The following ALPK2 variants were observed in gnomAD, a reference collection of about 807,000 sequenced individuals.
ALPK2 encodes alpha-protein kinase 2.
A neutral mutation model predicts 163.1 loss-of-function variants in ALPK2; 127 were observed. The ratio of observed to expected loss-of-function variants is 0.78; its 90% CI spans 0.67 to 0.90. The LOEUF (loss-of-function observed/expected upper bound fraction) is 0.90, where lower values mean the gene tolerates loss of function less well. Ranked by LOEUF, ALPK2 falls within the 40% of genes least tolerant of loss-of-function variation. ALPK2 has a pLI of 0.00. For synonymous variants in ALPK2, 953 were observed against 959.1 expected (o/e 0.99, Z 0.12); for missense variants, 2,360 against 2,589.6 (o/e 0.91, Z 1.92).
At chr18:58,510,286 A>G (rs1294293158) in intron 10 of ALPK2, among the ~76,000 whole-genome samples, 2 of 152,304 alleles carry the variant, frequency 1.3e-5, no homozygotes, top group Admixed American at 6.5e-5. Context: ...TGATTACTGT[A>G]GCCTTGTAGT....
At chr18:58,541,104 G>A (rs1264989176) in intron 4 of ALPK2, among the ~76,000 whole-genome samples, 1 of 152,198 alleles carries the variant, frequency 6.6e-6, no homozygotes, top group African/African-American at 2.4e-5. Context: ...TTCTTGCACT[G>A]CTATAAATAC....
chr18:58,495,058 A>G (rs1178011298), intron 12 of ALPK2, among the ~76,000 whole-genome samples: 1 of 146,830 alleles, frequency 6.8e-6, no homozygotes. Flanking sequence ...CCCATGCCCC[A>G]TGCCTCCTCA....
intron 12 of ALPK2, among the ~76,000 whole-genome samples, chr18:58,494,883 T>C (rs918861545): frequency 4.6e-5 from 7 of 152,342 alleles, no homozygotes; most frequent in Admixed American, 1.3e-4. Flanking sequence ...AAGTCTGTCC[T>C]CATGAGTTAT....
chr18:58,580,086 A>C lies in ALPK2; in HGVS notation c.690T>G (p.Cys230Trp), dbSNP rs746588195. 5.6e-6 allele frequency: 9 copies of C among 1,614,274 alleles called. No homozygotes were observed. The highest frequency in any genetic ancestry group is 7.6e-6 in the Non-Finnish European group (9 of 1,180,052). ...CCATGGAATGCACTGTCTTGTGGCAACATCTGTCTTGTTTTTCATAAATAT... is the reference window on the plus strand; with the variant it reads ...CCATGGAATGCACTGTCTTGTGGCACCATCTGTCTTGTTTTTCATAAATAT... ...SSHIYEKQDRCCHKTVHSMAS... is the reference protein window; with the variant it reads ...SSHIYEKQDRWCHKTVHSMAS... The change falls in exon 4 of 13, where the codon TGT (cysteine) becomes TGG (tryptophan). Residue 230 changes from cysteine (C) to tryptophan (W), a missense_variant. By Grantham distance (215) the Cys-to-Trp change is radical. Coordinates refer to ENST00000361673, the MANE Select transcript of ALPK2 (RefSeq NM_052947.4).
intron 12 of ALPK2, among the ~76,000 whole-genome samples, chr18:58,495,685 T>C (rs574406610): frequency 4.7e-4 from 72 of 152,042 alleles, no homozygotes; most frequent in Non-Finnish European, 9.1e-4. Context: ...TAGAGAGTTG[T>C]TCTAAATAAC....
At position 58,537,814 on chromosome 18, in the gene ALPK2, C is replaced by A. The variant is rs1371968690; in HGVS notation, c.2373G>T (p.Val791=). 6.2e-7 allele frequency: 1 copy of A among 1,614,154 alleles called. No individual in the cohort carries two copies. Among genetic ancestry groups the A allele is most frequent in the Non-Finnish European group, 8.5e-7 (1 of 1,180,030 alleles). Residue 791 remains valine (V), a synonymous_variant, in exon 5 of 13, where the codon GTG becomes GTT. Coordinates refer to ENST00000361673, the MANE Select transcript of ALPK2 (RefSeq NM_052947.4). The part of the protein sequence containing the change: ...PTDTALTLEN[V]CDEPRDREAV... Reference sequence around the variant, plus strand: ...CTTCTCTGTCCCTTGGCTCATCACACACATTTTCCAGGGTGAGGGCAGTAT... The same window carrying A: ...CTTCTCTGTCCCTTGGCTCATCACAAACATTTTCCAGGGTGAGGGCAGTAT...
chr18:58,553,853 T>G (rs2051773494), intron 4 of ALPK2, among the ~76,000 whole-genome samples: 7 of 13,668 alleles, frequency 5.1e-4, no homozygotes. Context: ...TTTTTTGGTT[T>G]TTTTTTTTTT....
intron 12 of ALPK2, among the ~76,000 whole-genome samples, chr18:58,486,844 T>A (rs1378481349): frequency 6.6e-6 from 1 of 152,196 alleles, no homozygotes; most frequent in Non-Finnish European, 1.5e-5. Context: ...GCAACATCCT[T>A]TGTGTTCTTA....
chr18:58,545,702 C>CT (rs1388176531), intron 4 of ALPK2, among the ~76,000 whole-genome samples: 5 of 151,490 alleles, frequency 3.3e-5, no homozygotes, highest in South Asian at 2.1e-4. Context: ...TCTCCAACTT[C>CT]TTTTTTTTTC....
At chr18:58,568,012 A>T (rs1315123064) in intron 4 of ALPK2, among the ~76,000 whole-genome samples, 1 of 152,116 alleles carries the variant, frequency 6.6e-6, no homozygotes, top group Non-Finnish European at 1.5e-5. Flanking sequence ...TGTGTTTTTA[A>T]TATCTGCCAT....
chr18:58,537,501 A>G lies in ALPK2; in HGVS notation c.2686T>C (p.Leu896=). 1 of 1,612,308 alleles carries G rather than the reference A, an allele frequency of 6.2e-7. No individual in the cohort carries two copies. The highest frequency in any genetic ancestry group is 8.5e-7 in the Non-Finnish European group (1 of 1,178,702). The change falls in exon 5 of 13, where the codon TTG becomes CTG. Residue 896 remains leucine (L), a synonymous_variant. Transcript: ENST00000361673. Reference sequence around the variant, plus strand: ...TCACTAGCTGTGTGTGAAATGTTCAAGGTGAAAGTACTGGTAAAAAGAGGG... The same window carrying G: ...TCACTAGCTGTGTGTGAAATGTTCAGGGTGAAAGTACTGGTAAAAAGAGGG... ...MSPLFTSTFT[L]NISHTASEGA... is the part of the protein sequence containing the mutation.
At chr18:58,564,751 G>A (rs933464525) in intron 4 of ALPK2, among the ~76,000 whole-genome samples, 3 of 151,882 alleles carry the variant, frequency 2.0e-5, no homozygotes, top group African/African-American at 7.3e-5. Context: ...CCCAAAGAGA[G>A]GAAAGGAAAT....
chr18:58,504,152 G>C lies in ALPK2; in HGVS notation c.6030-4C>G. 2.5e-6 allele frequency: 4 copies of C among 1,612,472 alleles called. No individual in the cohort carries two copies. The highest frequency in any genetic ancestry group is 3.4e-6 in the Non-Finnish European group (4 of 1,178,598). On this transcript the variant is annotated splice_polypyrimidine_tract_variant and splice_region_variant and intron_variant, in intron 10 of 12. Transcript: ENST00000361673. ...GATAAGAAAAATAGGAATGATCCTG[G>C]CAGGGAAGAGAACACAGGCGCACAT... is the stretch of plus-strand genomic sequence containing the variant.
intron 10 of ALPK2, among the ~76,000 whole-genome samples, chr18:58,510,868 AC>A (rs2051486639): frequency 6.6e-6 from 1 of 152,170 alleles, no homozygotes; most frequent in Non-Finnish European, 1.5e-5. Context: ...CTAATTGAAT[AC>A]CTTTTATTTC....
At chr18:58,591,534 G>C (rs1343563783) in intron 3 of ALPK2, among the ~76,000 whole-genome samples, 2 of 152,162 alleles carry the variant, frequency 1.3e-5, no homozygotes, top group African/African-American at 4.8e-5. Context: ...TCAGGTGTTG[G>C]GGGCATGCAA....
intron 1 of ALPK2, among the ~76,000 whole-genome samples, chr18:58,617,038 A>C (rs926877023): frequency 6.6e-6 from 1 of 152,198 alleles, no homozygotes; most frequent in African/African-American, 2.4e-5. Context: ...CGTATGGGGT[A>C]AATCCACCAC....
At chr18:58,602,811 G>A (rs2144222837) in intron 3 of ALPK2, among the ~76,000 whole-genome samples, 1 of 152,270 alleles carries the variant, frequency 6.6e-6, no homozygotes, top group South Asian at 2.1e-4. Context: ...TCAGGATGCA[G>A]TGAAGAAGTA....
chr18:58,585,755 C>G (rs1300089723), intron 3 of ALPK2, among the ~76,000 whole-genome samples: 1 of 142,310 alleles, frequency 7.0e-6, no homozygotes, highest in Non-Finnish European at 1.5e-5. Flanking sequence ...ACCACCTTGG[C>G]TCACTGCAAC....
chr18:58,554,805 G>A (rs959804077), intron 4 of ALPK2, among the ~76,000 whole-genome samples: 1 of 152,162 alleles, frequency 6.6e-6, no homozygotes, highest in African/African-American at 2.4e-5. Context: ...ATCTTGAATT[G>A]TAGCTCCCAT....
Sources: gnomAD v4.1 joint callset for allele counts (sites outside exome capture counted in the v4.1 genomes callset) on GRCh38, gnomAD v4.1.1 for gene constraint, MANE v1.5 for transcripts, NCBI Gene and HGNC (gene_info 2026-07-23, HGNC 2026-07-21) for gene names.